NRG3: variants seen among roughly 807,000 people sequenced by gnomAD.
NRG3 encodes the protein pro-neuregulin-3, membrane-bound isoform.
Under a neutral mutation model 66.9 loss-of-function variants are expected in NRG3, and 31 were observed. The ratio of observed to expected loss-of-function variants is 0.46; its 90% CI spans 0.35 to 0.63. The LOEUF is 0.63. Ranked by LOEUF, NRG3 falls within the 20% of genes least tolerant of loss-of-function variation. The pLI, the probability that NRG3 is intolerant of heterozygous loss-of-function variation, is 0.00. For missense variants in NRG3, 910 were observed against 878.9 expected (o/e 1.04, Z -0.45); for synonymous variants, 393 against 359.4 (o/e 1.09, Z -1.06).
rs115151382 is a variant in NRG3 at position 82,717,078 on chromosome 10, G to A, written c.954-21499G>A. The stretch of plus-strand genomic sequence containing the variant: ...TGAGCTAAACATCAAACCAAATTCT[G>A]TACCACTTATTCCCAAAGACACCGA... On this transcript the variant is annotated intron_variant, in intron 2 of 8. Coordinates refer to ENST00000372141, the MANE Select transcript of NRG3 (RefSeq NM_001010848.4). 4.7e-3 allele frequency among the ~76,000 whole-genome samples: 713 copies of A among 152,102 alleles called. 4 individuals carry two copies. The highest frequency in any genetic ancestry group is 0.016 in the African/African-American group (658 of 41,502).
intron 1 of NRG3, among the ~76,000 whole-genome samples, chr10:81,974,727 G>A (rs141812041): frequency 5.3e-5 from 8 of 152,144 alleles, no homozygotes; most frequent in African/African-American, 1.7e-4. Context: ...AAAAAGTCAC[G>A]CATCTATACT....
At chr10:82,575,706 A>C (rs866188664) in intron 2 of NRG3, among the ~76,000 whole-genome samples, 2 of 151,916 alleles carry the variant, frequency 1.3e-5, no homozygotes, top group South Asian at 2.1e-4. Flanking sequence ...ATGGGGCCAA[A>C]AATCAAAGGG....
chr10:82,009,569 G>A (rs1029986596), intron 1 of NRG3, among the ~76,000 whole-genome samples: 4 of 152,166 alleles, frequency 2.6e-5, no homozygotes, highest in African/African-American at 4.8e-5. Context: ...TTCTTAGTGC[G>A]TTAAAGATAT....
intron 4 of NRG3, among the ~76,000 whole-genome samples, chr10:82,893,894 A>C (rs1406770347): frequency 6.6e-6 from 1 of 152,192 alleles, no homozygotes; most frequent in Non-Finnish European, 1.5e-5. Flanking sequence ...ACTGATAAAG[A>C]ATAGAAGGAA....
chr10:82,105,499 T>C (rs1234757925), intron 1 of NRG3, among the ~76,000 whole-genome samples: 1 of 152,186 alleles, frequency 6.6e-6, no homozygotes, highest in African/African-American at 2.4e-5. Flanking sequence ...GCAGCATTAA[T>C]ATATGTACAT....
intron 1 of NRG3, among the ~76,000 whole-genome samples, chr10:81,914,893 A>G (rs913923111): frequency 2.0e-5 from 3 of 151,554 alleles, no homozygotes; most frequent in African/African-American, 7.3e-5. Context: ...GGCCTCCTTT[A>G]TGTGAGTTAT....
chr10:82,151,479 G>A (rs1023851868), intron 1 of NRG3, among the ~76,000 whole-genome samples: 3 of 152,066 alleles, frequency 2.0e-5, no homozygotes, highest in Non-Finnish European at 4.4e-5. Context: ...TCTGTGAATC[G>A]GAACCTCTCT....
chr10:82,377,458 G>GTGCGCA (rs1554900439), intron 2 of NRG3, among the ~76,000 whole-genome samples: 3 of 75,750 alleles, frequency 4.0e-5, no homozygotes, highest in African/African-American at 2.8e-4. Flanking sequence ...GTGTGTGTGT[G>GTGCGCA]CGCGAGCGCA....
rs190996957 is a variant in NRG3 at position 82,782,308 on chromosome 10, G to T, written c.1027+43658G>T. On this transcript the variant is annotated intron_variant, in intron 3 of 8. Transcript: ENST00000372141. ...AAGGGTAAGCTCAGCCCCTTCCCTT[G>T]TTCCTCTTTCTCCTGCATGTGCTGT... Among the ~76,000 whole-genome samples, 3 of 152,180 alleles carry T rather than the reference G, an allele frequency of 2.0e-5. No individual in the cohort carries two copies. The East Asian group carries it at 5.8e-4, about 29-fold the overall frequency.
chr10:82,985,275 G>A lies in NRG3; in HGVS notation c.1761G>A (p.Leu587=), dbSNP rs1564696802. 1.2e-6 allele frequency: 2 copies of A among 1,614,134 alleles called. No individual in the cohort carries two copies. The highest frequency in any genetic ancestry group is 2.2e-5 in the East Asian group (1 of 44,876). Residue 587 remains leucine, a synonymous_variant, in exon 9 of 9, where the codon CTG becomes CTA. Coordinates refer to ENST00000372141, the MANE Select transcript of NRG3 (RefSeq NM_001010848.4). Reference sequence around the variant, plus strand: ...CAGTGGGTTTAGAGGAAACCTGCCTGCAAATGCCAGGGATTTCTGAAGTCA... The same window carrying A: ...CAGTGGGTTTAGAGGAAACCTGCCTACAAATGCCAGGGATTTCTGAAGTCA... ...IPSVGLEETC[L]QMPGISEVKS...
chr10:82,487,007 A>G (rs1842737694), intron 2 of NRG3, among the ~76,000 whole-genome samples: 1 of 151,322 alleles, frequency 6.6e-6, no homozygotes, highest in African/African-American at 2.4e-5. Flanking sequence ...ATAGTTAACA[A>G]TACTGTACTG....
At chr10:82,974,986 C>A (rs979089561) in intron 7 of NRG3, among the ~76,000 whole-genome samples, 2 of 152,186 alleles carry the variant, frequency 1.3e-5, no homozygotes, top group Non-Finnish European at 2.9e-5. Flanking sequence ...TGAGTAGAGA[C>A]TAGAACACTG....
At chr10:82,804,311 A>C (rs762141825) in intron 3 of NRG3, among the ~76,000 whole-genome samples, 40 of 152,222 alleles carry the variant, frequency 2.6e-4, no homozygotes, top group Non-Finnish European at 4.6e-4. Context: ...TGAAGAAGGC[A>C]AAAGAAATTC....
intron 3 of NRG3, among the ~76,000 whole-genome samples, chr10:82,770,045 A>G (rs1453788988): frequency 6.6e-6 from 1 of 152,146 alleles, no homozygotes; most frequent in African/African-American, 2.4e-5. Flanking sequence ...ATAAGTGTAT[A>G]TAAAGCAACC....
At chr10:82,493,650 G>A (rs556553771) in intron 2 of NRG3, among the ~76,000 whole-genome samples, 100 of 152,222 alleles carry the variant, frequency 6.6e-4, no homozygotes, top group Non-Finnish European at 1.3e-3. Flanking sequence ...ATACCTAGAA[G>A]AAAATATAGG....
intron 1 of NRG3, among the ~76,000 whole-genome samples, chr10:82,312,892 G>T (rs955998212): frequency 2.6e-5 from 4 of 152,006 alleles, no homozygotes; most frequent in Non-Finnish European, 4.4e-5. Context: ...ATAATTAATT[G>T]TTGGCTGTCA....
intron 1 of NRG3, among the ~76,000 whole-genome samples, chr10:82,155,917 A>G (rs552156711): frequency 6.6e-6 from 1 of 151,890 alleles, no homozygotes; most frequent in Non-Finnish European, 1.5e-5. Flanking sequence ...TTCCTGGTCT[A>G]CATTTATATG....
chr10:82,239,464 C>A (rs1216924733), intron 1 of NRG3, among the ~76,000 whole-genome samples: 1 of 152,018 alleles, frequency 6.6e-6, no homozygotes, highest in East Asian at 1.9e-4. Flanking sequence ...CCAGGTTGCA[C>A]CATAGTATCT....
chr10:82,839,052 C>T (rs2062922663), intron 3 of NRG3, among the ~76,000 whole-genome samples: 3 of 152,094 alleles, frequency 2.0e-5, no homozygotes, highest in Admixed American at 2.0e-4. Context: ...CCATTATATC[C>T]CACTGGATCT....
Sources: allele counts gnomAD v4.1 joint callset (sites outside exome capture counted in the v4.1 genomes callset), GRCh38; gene constraint gnomAD v4.1.1; transcripts MANE v1.5; gene names NCBI Gene and HGNC (gene_info 2026-07-23, HGNC 2026-07-21).